The following UBAP1 variants were observed in gnomAD, a reference collection of about 807,000 sequenced individuals.
The protein encoded by UBAP1 is ubiquitin-associated protein 1.
Under a neutral mutation model 39.0 loss-of-function variants are expected in UBAP1, and 5 were observed. The observed-to-expected ratio is 0.13, with a 90% CI of 0.07 to 0.27. The LOEUF (loss-of-function observed/expected upper bound fraction) is 0.27, where lower values mean the gene tolerates loss of function less well. UBAP1 is among the 10% of genes least tolerant of loss of function. The pLI, the probability that UBAP1 is intolerant of heterozygous loss-of-function variation, is 1.00. For synonymous variants in UBAP1, 211 were observed against 225.1 expected, an observed-to-expected ratio of 0.94 and a Z score of 0.56; for missense variants, 490 against 608.1, an observed-to-expected ratio of 0.81 and a Z score of 2.04.
intron 1 of UBAP1, among the ~76,000 whole-genome samples, chr9:34,202,512 G>C (rs1351384944): frequency 6.6e-6 from 1 of 151,996 alleles, no homozygotes; most frequent in African/African-American, 2.4e-5. Flanking sequence ...TGAAGGGAGG[G>C]TGGGAAAAGA....
chr9:34,217,834 G>A (rs1402615246), intron 1 of UBAP1, among the ~76,000 whole-genome samples: 2 of 109,278 alleles, frequency 1.8e-5, no homozygotes, highest in Non-Finnish European at 3.4e-5. Flanking sequence ...GTCTTGCTGA[G>A]TTGCCCAGGC....
intron 2 of UBAP1, among the ~76,000 whole-genome samples, chr9:34,232,467 T>A (rs7025829): frequency 0.7 from 106,670 of 152,100 alleles, 39,432 homozygotes; most frequent in East Asian, 0.95. Flanking sequence ...ACTAAATTGA[T>A]CACAGTTGTA....
chr9:34,220,935 T>C lies in UBAP1; in HGVS notation c.21T>C (p.Gly7=). The change falls in exon 2 of 7, where the codon GGT becomes GGC. Residue 7 remains glycine (G), a synonymous_variant. Transcript: ENST00000297661. The stretch of plus-strand genomic sequence containing the variant: ...TCTAAATGGCTTCTAAGAAGTTGGG[T>C]GCAGATTTTCATGGTAAGTGGACTA... MASKKL[G]ADFHGTFSYL... The C allele has an allele frequency of 6.2e-7, 1 of 1,613,532 alleles. No individual in the cohort carries two copies.
Position 34,241,888 on chromosome 9 carries a change from A to G in UBAP1, c.863A>G (p.His288Arg), listed in dbSNP as rs142114254. ...ACAGCCAAGCTGGCGAGCACTTTCC[A>G]TAGCACATCCTGCCTCCGCAATGGC... ...QKTAKLASTFHSTSCLRNGTF... is the reference protein window; with the variant it reads ...QKTAKLASTFRSTSCLRNGTF... The change falls in exon 4 of 7, where the codon CAT becomes CGT. Residue 288 changes from histidine to arginine, a missense_variant. By Grantham distance (29) the His-to-Arg change is conservative. Coordinates refer to ENST00000297661, the MANE Select transcript of UBAP1 (RefSeq NM_016525.5). The G allele has an allele frequency of 1.9e-6, 3 of 1,614,140 alleles. No individual in the cohort carries two copies. Among genetic ancestry groups the G allele is most frequent in the African/African-American group, 2.7e-5 (2 of 75,038 alleles).
At position 34,252,297 on chromosome 9, in the gene UBAP1, C is replaced by G. The variant is rs1044783468; in HGVS notation, c.*765C>G. On this transcript the variant is annotated 3_prime_UTR_variant, in exon 7 of 7. Coordinates refer to ENST00000297661, the MANE Select transcript of UBAP1 (RefSeq NM_016525.5). ...CCATGATTTAGTTGGCCAGCACTAACTCCACCTCTGTTCTCCTTGAACAGC... is the reference window on the plus strand; with the variant it reads ...CCATGATTTAGTTGGCCAGCACTAAGTCCACCTCTGTTCTCCTTGAACAGC... 2.0e-5 allele frequency: 3 copies of G among 152,636 alleles called. No homozygotes were observed. The highest frequency in any genetic ancestry group is 4.8e-5 in the African/African-American group (2 of 41,450). The allele number at this position is 152,636 out of a possible 1,614,324, so 9.5% of individuals were successfully genotyped here.
chr9:34,250,795 A>G (rs1390318119), intron 6 of UBAP1, 36 bp downstream of exon 6: 1 of 1,566,646 alleles, frequency 6.4e-7, no homozygotes. Flanking sequence ...ACCCTCTGGA[A>G]AAGGAGGGAC....
chr9:34,228,581 T>C (rs1211044506), intron 2 of UBAP1, among the ~76,000 whole-genome samples: 69 of 132,296 alleles, frequency 5.2e-4, no homozygotes, highest in South Asian at 2.1e-3. Flanking sequence ...CCCCCCCCCC[T>C]TTTTTTTTTG....
chr9:34,215,191 A>G (rs923103673), intron 1 of UBAP1, among the ~76,000 whole-genome samples: 6 of 152,166 alleles, frequency 3.9e-5, no homozygotes, highest in African/African-American at 1.4e-4. Flanking sequence ...ATAGCAGCAC[A>G]ATTCACAAGT....
chr9:34,218,112 C>T (rs1182203030), intron 1 of UBAP1, among the ~76,000 whole-genome samples: 2 of 149,864 alleles, frequency 1.3e-5, no homozygotes, highest in Non-Finnish European at 3.0e-5. Context: ...ATTAGCCAGG[C>T]GTGGTGGCGG....
rs1312241515 is a variant in UBAP1, at chr9:34,179,520, A to G, written c.-8+280A>G. On this transcript the variant is annotated intron_variant, in intron 1 of 6. Coordinates refer to ENST00000297661, the MANE Select transcript of UBAP1 (RefSeq NM_016525.5). ...TAATACCCTACTGGAAGACAGGCAT[A>G]GTAGACATCTATCGGGCTGGACTGA... Among the ~76,000 whole-genome samples the G allele has an allele frequency of 2.0e-5, 3 of 152,058 alleles. No individual in the cohort carries two copies. In the East Asian group the frequency reaches 5.8e-4, roughly 29 times the overall value.
intron 1 of UBAP1, 38 bp downstream of exon 1, chr9:34,179,278 G>A: frequency 8.7e-7 from 1 of 1,149,840 alleles, no homozygotes. Context: ...GGGAAGAGGG[G>A]CGGAGTTGGG....
At chr9:34,203,626 TTAAA>T (rs1384795044) in intron 1 of UBAP1, among the ~76,000 whole-genome samples, 1 of 152,230 alleles carries the variant, frequency 6.6e-6, no homozygotes, top group African/African-American at 2.4e-5. Context: ...TTGGAATAGA[TTAAA>T]TAAAATAGGA....
At chr9:34,180,932 T>A (rs1477977941) in intron 1 of UBAP1, among the ~76,000 whole-genome samples, 2 of 148,360 alleles carry the variant, frequency 1.3e-5, no homozygotes, top group Non-Finnish European at 3.0e-5. Flanking sequence ...TGCCTCAGCC[T>A]CCCGAGTAGC....
chr9:34,186,133 T>G (rs889901386), intron 1 of UBAP1, among the ~76,000 whole-genome samples: 1 of 152,232 alleles, frequency 6.6e-6, no homozygotes. Flanking sequence ...TGTGAACTGC[T>G]TGTTCTCATT....
chr9:34,250,057 C>A, intron 5 of UBAP1, 96 bp downstream of exon 5: 1 of 1,324,706 alleles, frequency 7.5e-7, no homozygotes, highest in Non-Finnish European at 1.0e-6. Flanking sequence ...GTAGCACCAA[C>A]CTCCTTTCCT....
chr9:34,225,780 A>T (rs1485600749), intron 2 of UBAP1, among the ~76,000 whole-genome samples: 1 of 135,850 alleles, frequency 7.4e-6, no homozygotes, highest in East Asian at 2.0e-4. Context: ...ACGCCATCTT[A>T]AAAAAAAAAA....
intron 1 of UBAP1, chr9:34,212,023 A>G (rs769890439): frequency 2.3e-6 from 1 of 428,786 alleles, no homozygotes; most frequent in Non-Finnish European, 4.7e-6. Flanking sequence ...GTGTGTTCCA[A>G]TCCATACCAC....
intron 3 of UBAP1, 147 bp downstream of exon 3, chr9:34,234,487 A>G: frequency 1.0e-6 from 1 of 961,714 alleles, no homozygotes; most frequent in Non-Finnish European, 1.5e-6. Flanking sequence ...GTGGTCCCAT[A>G]AAATTATAAG....
chr9:34,213,872 C>T (rs1832151298), intron 1 of UBAP1, among the ~76,000 whole-genome samples: 1 of 151,432 alleles, frequency 6.6e-6, no homozygotes, highest in Admixed American at 6.6e-5. Flanking sequence ...TTCTATACAC[C>T]AACAGTGACC....
Sources: gnomAD v4.1 joint callset for allele counts (sites outside exome capture counted in the v4.1 genomes callset) on GRCh38, gnomAD v4.1.1 for gene constraint, MANE v1.5 for transcripts, NCBI Gene and HGNC (gene_info 2026-07-23, HGNC 2026-07-21) for gene names.